Variants in ZBTB41 observed in about 807,000 individuals in gnomAD.
ZBTB41 encodes zinc finger and BTB domain containing 41, also known as zinc finger and BTB domain-containing protein 41.
Under a neutral mutation model 87.6 loss-of-function variants are expected in ZBTB41, and 42 were observed. That is an observed-to-expected ratio of 0.48 (90% confidence interval 0.37 to 0.62). The LOEUF (loss-of-function observed/expected upper bound fraction) is 0.62. Ranked by LOEUF, ZBTB41 falls within the 20% of genes least tolerant of loss-of-function variation. The pLI, the probability that ZBTB41 is intolerant of heterozygous loss-of-function variation, is 0.00. For missense variants in ZBTB41, 799 were observed against 1,078.9 expected (o/e 0.74, Z 3.63); for synonymous variants, 364 against 364.0 (o/e 1.00, Z 0.00).
At chr1:197,162,836 T>C (rs1353842753) in intron 10 of ZBTB41, among the ~76,000 whole-genome samples, 1 of 152,086 alleles carries the variant, frequency 6.6e-6, no homozygotes, top group Non-Finnish European at 1.5e-5. Context: ...CTTGAGGAAA[T>C]CTCATTGGAA....
At chr1:197,194,270 G>C (rs980336282) in intron 2 of ZBTB41, among the ~76,000 whole-genome samples, 3 of 151,966 alleles carry the variant, frequency 2.0e-5, no homozygotes, top group Non-Finnish European at 4.4e-5. Flanking sequence ...CGTCCACCTC[G>C]GCCTCCCAAA....
At chr1:197,164,895 A>G (rs183200069) in intron 10 of ZBTB41, among the ~76,000 whole-genome samples, 778 of 34,270 alleles carry the variant, frequency 0.023, 3 homozygotes, top group East Asian at 0.049. Flanking sequence ...TATATAATAC[A>G]TATCTAATAT....
At chr1:197,192,933 CTAAAAA>C (rs1660070446) in intron 2 of ZBTB41, among the ~76,000 whole-genome samples, 1 of 151,492 alleles carries the variant, frequency 6.6e-6, no homozygotes, top group Non-Finnish European at 1.5e-5. Context: ...ATCATATTTT[CTAAAAA>C]TAATAAAAAA....
At chr1:197,181,143 C>A (rs777866392) in intron 5 of ZBTB41, 26 bp from the exon 6 acceptor site, 9 of 1,552,670 alleles carry the variant, frequency 5.8e-6, no homozygotes, top group South Asian at 1.2e-5. Flanking sequence ...AAAAAGTGTG[C>A]ATTTAAAGTT....
chr1:197,162,388 C>G (rs1229611833), intron 10 of ZBTB41, among the ~76,000 whole-genome samples: 1 of 151,848 alleles, frequency 6.6e-6, no homozygotes, highest in African/African-American at 2.4e-5. Flanking sequence ...CATAAGGCAA[C>G]CAAAAGGTCC....
chr1:197,175,952 G>T (rs1300868367), intron 8 of ZBTB41: 1 of 151,956 alleles, frequency 6.6e-6, no homozygotes, highest in Non-Finnish European at 1.5e-5. Context: ...TGCTCATAGA[G>T]ATGGCTCTTT....
chr1:197,196,235 G>A (rs1275774772), intron 2 of ZBTB41, among the ~76,000 whole-genome samples: 1 of 152,100 alleles, frequency 6.6e-6, no homozygotes, highest in Non-Finnish European at 1.5e-5. Context: ...TGAGAATAAT[G>A]GGAAGGTGGC....
intron 4 of ZBTB41, among the ~76,000 whole-genome samples, 196 bp from the exon 5 acceptor site, chr1:197,188,635 T>A (rs1181500901): frequency 6.6e-6 from 1 of 152,184 alleles, no homozygotes; most frequent in African/African-American, 2.4e-5. Flanking sequence ...TTTAAATTAG[T>A]ACTAAAGGTA....
At chr1:197,187,545 TTATAC>T (rs1294752247) in intron 5 of ZBTB41, among the ~76,000 whole-genome samples, 2 of 152,332 alleles carry the variant, frequency 1.3e-5, no homozygotes, top group East Asian at 1.9e-4. Context: ...TAAATCACTG[TTATAC>T]TATATTTTAA....
At chr1:197,194,986 T>C (rs1660128329) in intron 2 of ZBTB41, among the ~76,000 whole-genome samples, 1 of 152,208 alleles carries the variant, frequency 6.6e-6, no homozygotes, top group African/African-American at 2.4e-5. Context: ...GTTTTTTCTT[T>C]GTTTTTGTTT....
intron 9 of ZBTB41, 72 bp downstream of exon 9, chr1:197,174,938 A>G: frequency 8.0e-7 from 1 of 1,248,190 alleles, no homozygotes; most frequent in Non-Finnish European, 1.1e-6. Flanking sequence ...AACAAAGTAA[A>G]CAAAAAAAGT....
intron 2 of ZBTB41, among the ~76,000 whole-genome samples, chr1:197,192,552 G>A (rs1660062297): frequency 1.3e-5 from 2 of 152,040 alleles, no homozygotes; most frequent in South Asian, 2.1e-4. Context: ...TCTGTGTACT[G>A]TGAATATGCA....
Position 197,200,457 on chromosome 1 carries a change from T to C in ZBTB41, c.17A>G (p.Lys6Arg). Residue 6 changes from lysine (K) to arginine (R), a missense_variant, in exon 2 of 11, where the codon AAG (lysine) becomes AGG (arginine). Coordinates refer to ENST00000367405, the MANE Select transcript of ZBTB41 (RefSeq NM_194314.3). MKKRR[K>R]VTSNLEKIHL... ...GATCTTCTCAAGATTTGAAGTAACC[T>C]TTCTCCTCTTCTTCATTGCAGTACA... The C allele has an allele frequency of 1.3e-6, 2 of 1,593,026 alleles. No individual in the cohort carries two copies. The highest frequency in any genetic ancestry group is 8.5e-7 in the Non-Finnish European group (1 of 1,172,590).
In ZBTB41 at chr1:197,199,743, A is replaced by G; in HGVS notation, c.731T>C (p.Leu244Pro). The stretch of plus-strand genomic sequence containing the variant: ...TCTTCTTGCGGAGAAACTTCTCTCC[A>G]GCATTTTTAACCCATGTTTTTTCCC... Reference protein sequence around the residue: ...LLGKKHGLKMLERSFSARRSK... With the variant: ...LLGKKHGLKMPERSFSARRSK... Residue 244 changes from leucine to proline, a missense_variant, in exon 2 of 11, where the codon CTG becomes CCG. Leu to Pro is a moderately conservative substitution (Grantham distance 98). Transcript: ENST00000367405. The G allele has an allele frequency of 6.2e-7, 1 of 1,613,512 alleles. No homozygotes were observed. Among genetic ancestry groups the G allele is most frequent in the Non-Finnish European group, 8.5e-7 (1 of 1,179,908 alleles).
At chr1:197,168,031 G>A (rs1215294199) in intron 10 of ZBTB41, among the ~76,000 whole-genome samples, 1 of 152,032 alleles carries the variant, frequency 6.6e-6, no homozygotes, top group African/African-American at 2.4e-5. Context: ...AAAAAAGCTA[G>A]GGGTAAACTA....
intron 2 of ZBTB41, among the ~76,000 whole-genome samples, chr1:197,198,205 G>A (rs1480693006): frequency 6.6e-6 from 1 of 152,122 alleles, no homozygotes; most frequent in African/African-American, 2.4e-5. Flanking sequence ...TTTTATTCAT[G>A]TTTACACACA....
At chr1:197,183,900 A>G (rs1659818744) in intron 5 of ZBTB41, among the ~76,000 whole-genome samples, 1 of 152,184 alleles carries the variant, frequency 6.6e-6, no homozygotes, top group Middle Eastern at 3.2e-3. Flanking sequence ...CCTCTTCACC[A>G]GCTCTAACAG....
At chr1:197,178,373 T>A in intron 7 of ZBTB41, 44 bp downstream of exon 7, 1 of 1,299,066 alleles carries the variant, frequency 7.7e-7, no homozygotes, top group African/African-American at 1.5e-5. Flanking sequence ...AATAGAGATA[T>A]AATTCTATCT....
At chr1:197,201,163 G>C (rs1329755488) in intron 1 of ZBTB41, among the ~76,000 whole-genome samples, 60 bp downstream of exon 1, 1 of 152,188 alleles carries the variant, frequency 6.6e-6, no homozygotes, top group Non-Finnish European at 1.5e-5. Flanking sequence ...GCTTGTAGTC[G>C]GCGATCCCGC....
Sources: gnomAD v4.1 joint callset for allele counts (sites outside exome capture counted in the v4.1 genomes callset) on GRCh38, gnomAD v4.1.1 for gene constraint, MANE v1.5 for transcripts, NCBI Gene and HGNC (gene_info 2026-07-23, HGNC 2026-07-21) for gene names.